The following FREM2 variants were observed in gnomAD, a reference collection of about 807,000 sequenced individuals.
FREM2 encodes FRAS1 related extracellular matrix 2, also known as FRAS1-related extracellular matrix protein 2.
FREM2 carries 119 observed loss-of-function variants against 219.9 expected under a neutral mutation model. The observed-to-expected ratio is 0.54, with a 90% CI of 0.47 to 0.63. The LOEUF is 0.63. Ranked by LOEUF, FREM2 falls within the 30% of genes least tolerant of loss-of-function variation. The probability of loss-of-function intolerance (pLI) is 0.00; values close to 1 mark genes in which losing one functional copy is unlikely to be tolerated. For synonymous variants in FREM2, 1,562 were observed against 1,522.8 expected, an observed-to-expected ratio of 1.03 and a Z score of -0.60; for missense variants, 4,030 against 3,993.6, an observed-to-expected ratio of 1.01 and a Z score of -0.25.
intron 2 of FREM2, among the ~76,000 whole-genome samples, chr13:38,710,170 T>C (rs1269426907): frequency 1.3e-5 from 2 of 151,638 alleles, no homozygotes; most frequent in Non-Finnish European, 2.9e-5. Flanking sequence ...GGTGACAGAG[T>C]GAGTGAGACT....
In FREM2 at chr13:38,689,795, C is replaced by A. The variant is rs1284776931; in HGVS notation, c.2451C>A (p.Thr817=). The A allele has an allele frequency of 6.2e-7, 1 of 1,613,938 alleles. No homozygotes were observed. The highest frequency in any genetic ancestry group is 1.1e-5 in the South Asian group (1 of 91,038). Residue 817 remains threonine, a synonymous_variant, in exon 1 of 24, where the codon ACC becomes ACA. Coordinates refer to ENST00000280481, the MANE Select transcript of FREM2 (RefSeq NM_207361.6). The part of the protein sequence containing the change: ...EDRAGNVAPG[T]FTLYLHPVDN... ...GAGCTGGGAATGTGGCTCCAGGTACCTTTACCCTTTACTTGCATCCCGTGG... is the reference window on the plus strand; with the variant it reads ...GAGCTGGGAATGTGGCTCCAGGTACATTTACCCTTTACTTGCATCCCGTGG...
At chr13:38,809,220 C>T (rs554276318) in intron 6 of FREM2, among the ~76,000 whole-genome samples, 2 of 149,978 alleles carry the variant, frequency 1.3e-5, no homozygotes, top group African/African-American at 4.9e-5. Context: ...TTTTTCAGCT[C>T]CAAGATTTCT....
At chr13:38,831,975 G>A (rs1379531114) in intron 6 of FREM2, among the ~76,000 whole-genome samples, 1 of 151,996 alleles carries the variant, frequency 6.6e-6, no homozygotes, top group African/African-American at 2.4e-5. Flanking sequence ...GACTAGATAT[G>A]AGCTCATTTT....
chr13:38,791,694 G>A (rs1156890530), intron 6 of FREM2, among the ~76,000 whole-genome samples: 1 of 152,126 alleles, frequency 6.6e-6, no homozygotes, highest in Non-Finnish European at 1.5e-5. Flanking sequence ...ATGATTCAAT[G>A]ATCTCCACCT....
chr13:38,852,020 A>G, intron 11 of FREM2, 152 bp downstream of exon 11: 1 of 700,226 alleles, frequency 1.4e-6, no homozygotes, highest in East Asian at 2.7e-5. Flanking sequence ...TACAAGTGCA[A>G]TTTTGTTACA....
intron 6 of FREM2, among the ~76,000 whole-genome samples, chr13:38,797,003 A>C (rs758997630): frequency 5.3e-5 from 8 of 151,980 alleles, no homozygotes; most frequent in Non-Finnish European, 8.8e-5. Flanking sequence ...CAGCCTCCAG[A>C]GTAGTTAGGA....
Position 38,850,928 on chromosome 13 carries a change from G to A in FREM2, c.6578-16G>A, listed in dbSNP as rs899716062. 31 of 1,609,636 alleles carry A rather than the reference G, an allele frequency of 1.9e-5. No homozygotes were observed. Among genetic ancestry groups the A allele is most frequent in the Non-Finnish European group, 2.5e-5 (30 of 1,179,698 alleles). Reference sequence around the variant, plus strand: ...TCCTATGGGATGTGATTGACCTGCTGACATTATTGTTCCAGGTGAGACAGA... The same window carrying A: ...TCCTATGGGATGTGATTGACCTGCTAACATTATTGTTCCAGGTGAGACAGA... On this transcript the variant is annotated splice_polypyrimidine_tract_variant and intron_variant, in intron 9 of 23. Coordinates refer to ENST00000280481, the MANE Select transcript of FREM2 (RefSeq NM_207361.6).
chr13:38,826,677 A>G lies in FREM2; in HGVS notation c.6020-19896A>G, dbSNP rs1223872899. 2.0e-5 allele frequency among the ~76,000 whole-genome samples: 3 copies of G among 152,156 alleles called. No homozygotes were observed. The East Asian group carries it at 5.8e-4, about 29-fold the overall frequency. ...TCACACAGATTGTGTTTGACACCATATTAATCGTCATCTTTCTTCATTCAG... is the reference window on the plus strand; with the variant it reads ...TCACACAGATTGTGTTTGACACCATGTTAATCGTCATCTTTCTTCATTCAG... On this transcript the variant is annotated intron_variant, in intron 6 of 23. Transcript: ENST00000280481.
rs142232936 is a variant in FREM2 at position 38,687,163 on chromosome 13, G to T, written c.-182G>T. ...GGGAAGGCTTCGGCTCCTCGGCTGC[G>T]GCTCCAGCCCGGACGGCGCCGCGCA... On this transcript the variant is annotated 5_prime_UTR_variant, in exon 1 of 24. Coordinates refer to ENST00000280481, the MANE Select transcript of FREM2 (RefSeq NM_207361.6). 9 of 793,838 alleles carry T rather than the reference G, an allele frequency of 1.1e-5. No individual in the cohort carries two copies. Among genetic ancestry groups the T allele is most frequent in the African/African-American group, 1.7e-5 (1 of 57,514 alleles). 49.2% of individuals were successfully genotyped at this position (793,838 alleles called of 1,614,324 possible).
chr13:38,863,568 T>C (rs1193285235), intron 15 of FREM2, among the ~76,000 whole-genome samples: 2 of 151,674 alleles, frequency 1.3e-5, no homozygotes, highest in Non-Finnish European at 2.9e-5. Flanking sequence ...AAAAAAATGA[T>C]GAGTGGCACT....
chr13:38,692,313 C>A lies in FREM2; in HGVS notation c.4969C>A (p.Gln1657Lys). ...QVLAVDNSVPQIAVNKGASTL... is the reference protein window; with the variant it reads ...QVLAVDNSVPKIAVNKGASTL... The stretch of plus-strand genomic sequence containing the variant: ...CTTGGCTGTTGACAACAGTGTCCCC[C>A]AAATCGCAGTGAATAAGGGGGCCTC... Residue 1657 changes from glutamine (Q) to lysine (K), a missense_variant, in exon 1 of 24, where the codon CAA becomes AAA. Physicochemically the swap from Gln to Lys is moderately conservative, Grantham distance 53 (BLOSUM62 1). This residue lies in a region of FREM2 where 3,102 missense variants were observed against 2,950.7 expected (regional missense o/e 1.05). Transcript: ENST00000280481. 1.2e-6 allele frequency: 2 copies of A among 1,609,106 alleles called. No homozygotes were observed. Among genetic ancestry groups the A allele is most frequent in the South Asian group, 1.1e-5 (1 of 90,492 alleles).
chr13:38,689,556 C>A lies in FREM2; in HGVS notation c.2212C>A (p.Leu738Ile). 3 of 1,613,292 alleles carry A rather than the reference C, an allele frequency of 1.9e-6. No homozygotes were observed. Among genetic ancestry groups the A allele is most frequent in the Non-Finnish European group, 2.5e-6 (3 of 1,179,464 alleles). ...YTDLDTDDRE[L>I]RYTVTQPPTD... ...TGACCTGGACACAGATGACCGAGAA[C>A]TACGTTACACAGTGACTCAGCCCCC... The change falls in exon 1 of 24, where the codon CTA (leucine) becomes ATA (isoleucine). Residue 738 changes from leucine (L) to isoleucine (I), a missense_variant. This residue lies in a region of FREM2 where 3,102 missense variants were observed against 2,950.7 expected (regional missense o/e 1.05). Coordinates refer to ENST00000280481, the MANE Select transcript of FREM2 (RefSeq NM_207361.6).
At chr13:38,839,720 C>A (rs1876872435) in intron 6 of FREM2, among the ~76,000 whole-genome samples, 1 of 152,242 alleles carries the variant, frequency 6.6e-6, no homozygotes, top group South Asian at 2.1e-4. Flanking sequence ...TGGGCTCCAC[C>A]CAGTTTGAGC....
At chr13:38,862,361 A>G (rs1478015062) in intron 15 of FREM2, among the ~76,000 whole-genome samples, 3 of 152,166 alleles carry the variant, frequency 2.0e-5, no homozygotes, top group Non-Finnish European at 4.4e-5. Flanking sequence ...CCTTTATAGC[A>G]TAATGTTGGT....
At chr13:38,729,093 C>T (rs1259343458) in intron 2 of FREM2, among the ~76,000 whole-genome samples, 1 of 152,198 alleles carries the variant, frequency 6.6e-6, no homozygotes, top group African/African-American at 2.4e-5. Context: ...CCTTGGCCTC[C>T]TATCCTTCTC....
rs1462930901 is a variant in FREM2 at position 38,848,689 on chromosome 13, T to G, written c.6379+19T>G. The G allele has an allele frequency of 6.4e-7, 1 of 1,571,494 alleles. No homozygotes were observed. The highest frequency in any genetic ancestry group is 1.4e-5 in the African/African-American group (1 of 74,036). The stretch of plus-strand genomic sequence containing the variant: ...TCCGATTGTGAGTGTTTATTAATTT[T>G]ATAATTTACAATGATAATTGAAATC... On this transcript the variant is annotated intron_variant, in intron 8 of 23. Transcript: ENST00000280481.
At chr13:38,741,356 T>G (rs1872240206) in intron 2 of FREM2, among the ~76,000 whole-genome samples, 1 of 152,132 alleles carries the variant, frequency 6.6e-6, no homozygotes, top group African/African-American at 2.4e-5. Flanking sequence ...TATTTTCAAA[T>G]ATGGAAGAAA....
chr13:38,832,999 AC>A (rs1876571090), intron 6 of FREM2, among the ~76,000 whole-genome samples: 1 of 152,140 alleles, frequency 6.6e-6, no homozygotes, highest in Non-Finnish European at 1.5e-5. Context: ...AGATTGAGCC[AC>A]TACACTCCAC....
At chr13:38,725,744 A>C (rs182742506) in intron 2 of FREM2, among the ~76,000 whole-genome samples, 10 of 152,308 alleles carry the variant, frequency 6.6e-5, no homozygotes, top group Non-Finnish European at 1.0e-4. Context: ...ATATAATCTA[A>C]TGTACTTTTG....
Sources: gnomAD v4.1 joint callset for allele counts (sites outside exome capture counted in the v4.1 genomes callset) on GRCh38, gnomAD v4.1.1 for gene constraint, gnomAD v4.1.1 regional missense constraint, MANE v1.5 for transcripts, NCBI Gene and HGNC (gene_info 2026-07-23, HGNC 2026-07-21) for gene names.